BMP2K: variants seen among roughly 807,000 people sequenced by gnomAD.
BMP2K encodes the protein BMP-2-inducible protein kinase.
A neutral mutation model predicts 116.0 loss-of-function variants in BMP2K; 74 were observed. The ratio of observed to expected loss-of-function variants is 0.64; its 90% CI spans 0.53 to 0.77. The LOEUF is 0.77. BMP2K is among the 30% of genes least tolerant of loss of function. The probability of loss-of-function intolerance (pLI) is 0.00; values close to 1 mark genes in which losing one functional copy is unlikely to be tolerated. For missense variants in BMP2K, 1,365 were observed against 1,403.6 expected (o/e 0.97, Z 0.44); for synonymous variants, 486 against 502.5 (o/e 0.97, Z 0.44).
intron 1 of BMP2K, among the ~76,000 whole-genome samples, chr4:78,802,083 T>G (rs895569810): frequency 6.6e-6 from 1 of 152,230 alleles, no homozygotes; most frequent in Non-Finnish European, 1.5e-5. Context: ...AGAAAGAGTT[T>G]TGCTCGATAT....
intron 1 of BMP2K, among the ~76,000 whole-genome samples, chr4:78,824,174 A>G (rs1021786737): frequency 6.6e-5 from 10 of 152,184 alleles, no homozygotes; most frequent in Non-Finnish European, 1.2e-4. Flanking sequence ...ATCCAGATCT[A>G]TAAAAGGGAA....
intron 1 of BMP2K, among the ~76,000 whole-genome samples, chr4:78,796,421 G>A (rs1333866159): frequency 2.7e-5 from 4 of 150,932 alleles, no homozygotes; most frequent in Admixed American, 2.6e-4. Context: ...AGCATTGGGA[G>A]ATATACCTAA....
chr4:78,828,274 G>C (rs62310811), intron 2 of BMP2K, among the ~76,000 whole-genome samples: 9,500 of 152,252 alleles, frequency 0.062, 409 homozygotes, highest in East Asian at 0.22. Flanking sequence ...TATGGTTAGT[G>C]GCATATTTTA....
chr4:78,885,909 C>T (rs1733053218), intron 14 of BMP2K, among the ~76,000 whole-genome samples: 1 of 152,142 alleles, frequency 6.6e-6, no homozygotes, highest in African/African-American at 2.4e-5. Context: ...GGCTGGAATG[C>T]AGTGGTACAG....
At chr4:78,783,053 A>G (rs1249167237) in intron 1 of BMP2K, among the ~76,000 whole-genome samples, 1 of 152,222 alleles carries the variant, frequency 6.6e-6, no homozygotes, top group Non-Finnish European at 1.5e-5. Context: ...CGATTTGGTT[A>G]TACGCTTTCA....
At chr4:78,808,906 C>T (rs1728950442) in intron 1 of BMP2K, among the ~76,000 whole-genome samples, 1 of 152,096 alleles carries the variant, frequency 6.6e-6, no homozygotes, top group Non-Finnish European at 1.5e-5. Flanking sequence ...TCTGTGTGGA[C>T]TTGATAAATG....
chr4:78,828,458 G>A (rs991403909), intron 2 of BMP2K, among the ~76,000 whole-genome samples: 1 of 152,114 alleles, frequency 6.6e-6, no homozygotes. Flanking sequence ...AGCTTCATGA[G>A]GTCAGCATTC....
chr4:78,793,886 TGTA>T (rs1728127492), intron 1 of BMP2K, among the ~76,000 whole-genome samples: 1 of 152,196 alleles, frequency 6.6e-6, no homozygotes, highest in Non-Finnish European at 1.5e-5. Context: ...ACCTTGTTAA[TGTA>T]GTTACTAGAA....
At chr4:78,807,403 T>C (rs1316064840) in intron 1 of BMP2K, among the ~76,000 whole-genome samples, 1 of 152,142 alleles carries the variant, frequency 6.6e-6, no homozygotes, top group Non-Finnish European at 1.5e-5. Context: ...TATTTTTTTT[T>C]CTTGTGATTT....
chr4:78,915,766 AAGGT>A lies in BMP2K; in HGVS notation c.*3736_*3739del, dbSNP rs1214345438. On this transcript the variant is annotated 3_prime_UTR_variant, in exon 16 of 16. Coordinates refer to ENST00000502613, the MANE Select transcript of BMP2K (RefSeq NM_198892.2). ...GGTTTACAAAAGCTACTAAGAGAAT[AAGGT>A]AGATGATAATGCAAAGGGTCATGAT... 2.0e-5 allele frequency: 3 copies of A among 151,992 alleles called. No homozygotes were observed. The highest frequency in any genetic ancestry group is 4.4e-5 in the Non-Finnish European group (3 of 67,900). 9.4% of individuals were successfully genotyped at this position (151,992 alleles called of 1,614,324 possible). A position where few individuals can be genotyped will look rare whatever the true frequency, so the allele number is the denominator to read the frequency against.
intron 1 of BMP2K, among the ~76,000 whole-genome samples, chr4:78,791,656 A>G (rs887572505): frequency 3.3e-5 from 5 of 152,142 alleles, no homozygotes; most frequent in African/African-American, 9.7e-5. Context: ...TTCCATTTCT[A>G]TGAATTTGAC....
chr4:78,860,218 TA>T, intron 8 of BMP2K: 1 of 373,088 alleles, frequency 2.7e-6, no homozygotes, highest in South Asian at 2.2e-5. Flanking sequence ...GATGAGAAGT[TA>T]CCTAATGGGT....
At chr4:78,822,421 A>G (rs1207738693) in intron 1 of BMP2K, among the ~76,000 whole-genome samples, 1 of 152,126 alleles carries the variant, frequency 6.6e-6, no homozygotes, top group Non-Finnish European at 1.5e-5. Flanking sequence ...ATATTTAGTT[A>G]TACAATTTAT....
chr4:78,872,326 T>G lies in BMP2K; in HGVS notation c.1609-288T>G, dbSNP rs201362880. The G allele has an allele frequency of 5.4e-5, 11 of 203,012 alleles. No individual in the cohort carries two copies. The highest frequency in any genetic ancestry group is 4.4e-4 in the African/African-American group (7 of 15,930). The allele number at this position is 203,012 out of a possible 1,614,324, so 12.6% of individuals were successfully genotyped here. A position where few individuals can be genotyped will look rare whatever the true frequency, so the allele number is the denominator to read the frequency against. On this transcript the variant is annotated intron_variant, in intron 12 of 15. Transcript: ENST00000502613. ...ACCTTTTTTTTTTTTTTTTTTTTTT[T>G]TTTAACAGCAACCACTATATTAGTG...
chr4:78,786,813 T>C (rs963080526), intron 1 of BMP2K, among the ~76,000 whole-genome samples: 1 of 152,242 alleles, frequency 6.6e-6, no homozygotes. Flanking sequence ...ATAGCACTTA[T>C]CTTAAATAGC....
intron 1 of BMP2K, among the ~76,000 whole-genome samples, chr4:78,784,885 T>G (rs1260470192): frequency 6.6e-6 from 1 of 152,228 alleles, no homozygotes; most frequent in African/African-American, 2.4e-5. Context: ...GTAACATCTT[T>G]TTCCATTTTA....
intron 2 of BMP2K, among the ~76,000 whole-genome samples, chr4:78,833,161 G>A (rs1391055182): frequency 6.6e-6 from 1 of 151,950 alleles, no homozygotes; most frequent in Non-Finnish European, 1.5e-5. Flanking sequence ...ATAAATTCAT[G>A]TAATAGCTAC....
chr4:78,910,861 T>A lies in BMP2K; in HGVS notation c.2314T>A (p.Phe772Ile). The A allele has an allele frequency of 6.2e-7, 1 of 1,613,800 alleles. No individual in the cohort carries two copies. Among genetic ancestry groups the A allele is most frequent in the Non-Finnish European group, 8.5e-7 (1 of 1,179,824 alleles). Residue 772 changes from phenylalanine (F) to isoleucine (I), a missense_variant, in exon 16 of 16, where the codon TTT (phenylalanine) becomes ATT (isoleucine). By Grantham distance (21) the Phe-to-Ile change is conservative. Transcript: ENST00000502613. ...AGTTCTTCAGGGGGAACAAGGAGAT[T>A]TTAATGATGATGATACTGAACCAGA... The part of the protein sequence containing the change: ...EEVLQGEQGD[F>I]NDDDTEPENL...
At chr4:78,784,083 C>T (rs1009139827) in intron 1 of BMP2K, among the ~76,000 whole-genome samples, 11 of 150,522 alleles carry the variant, frequency 7.3e-5, no homozygotes, top group Non-Finnish European at 2.9e-5. Context: ...GAAAGTGAGA[C>T]GGATGTCCTT....
Sources: gnomAD v4.1 joint callset for allele counts (sites outside exome capture counted in the v4.1 genomes callset) on GRCh38, gnomAD v4.1.1 for gene constraint, MANE v1.5 for transcripts, NCBI Gene and HGNC (gene_info 2026-07-23, HGNC 2026-07-21) for gene names.